The following ADRA1B variants were observed in gnomAD, a reference collection of about 807,000 sequenced individuals.
ADRA1B encodes the protein alpha-1B adrenergic receptor.
Under a neutral mutation model 17.9 loss-of-function variants are expected in ADRA1B, and 17 were observed. The ratio of observed to expected loss-of-function variants is 0.95; its 90% CI spans 0.65 to 1.42. ADRA1B has a LOEUF of 1.42. Among genes scored for constraint, ADRA1B ranks in the 40% most tolerant of loss-of-function variants. The pLI, the probability that ADRA1B is intolerant of heterozygous loss-of-function variation, is 0.00. For missense variants in ADRA1B, 681 were observed against 722.1 expected (o/e 0.94, Z 0.65); for synonymous variants, 366 against 327.6 (o/e 1.12, Z -1.27).
At chr5:159,918,177 C>A (rs1581032421) in intron 1 of ADRA1B, among the ~76,000 whole-genome samples, 1 of 152,086 alleles carries the variant, frequency 6.6e-6, no homozygotes, top group Non-Finnish European at 1.5e-5. Flanking sequence ...ATCACACCGG[C>A]GTTATTTCAG....
At position 159,871,929 on chromosome 5, in the gene ADRA1B, A is replaced by G. The variant is rs191849476; in HGVS notation, c.-256+6723A>G. Among the ~76,000 whole-genome samples, 256 of 152,218 alleles carry G rather than the reference A, an allele frequency of 1.7e-3. 1 individual carries two copies. Among genetic ancestry groups the G allele is most frequent in the Middle Eastern group, 3.4e-3 (1 of 294 alleles). On this transcript the variant is annotated intron_variant, in intron 1 of 2. Coordinates refer to the ADRA1B transcript ENST00000641205. ...TCTGCAGGGTCTCCTCCTCTGCCTT[A>G]CTGTTCCTCTCTGACACCCTGGAGC...
At chr5:159,866,296 A>G (rs1218518506) in intron 1 of ADRA1B, among the ~76,000 whole-genome samples, 2 of 85,718 alleles carry the variant, frequency 2.3e-5, no homozygotes, top group African/African-American at 4.0e-5. Flanking sequence ...ACATAGTGAG[A>G]AAAAAAAAAA....
intron 1 of ADRA1B, among the ~76,000 whole-genome samples, chr5:159,909,368 G>A (rs897999508): frequency 6.6e-6 from 1 of 152,080 alleles, no homozygotes; most frequent in Non-Finnish European, 1.5e-5. Context: ...TCCAAAGCTG[G>A]GCTCTAACAC....
the ADRA1B span, among the ~76,000 whole-genome samples, chr5:159,985,998 G>A: frequency 6.6e-6 from 1 of 152,220 alleles, no homozygotes; most frequent in Non-Finnish European, 1.5e-5. Context: ...GCAACTTGCT[G>A]AAAGCAGTTA....
intron 1 of ADRA1B, among the ~76,000 whole-genome samples, chr5:159,943,463 A>C (rs114572275): frequency 0.011 from 1,653 of 152,260 alleles, 25 homozygotes; most frequent in African/African-American, 0.035. Flanking sequence ...CCTCTAGTTT[A>C]AGACCCTGAT....
At chr5:159,918,177 C>T (rs1581032421) in intron 1 of ADRA1B, among the ~76,000 whole-genome samples, 2 of 152,204 alleles carry the variant, frequency 1.3e-5, no homozygotes, top group South Asian at 2.1e-4. Context: ...ATCACACCGG[C>T]GTTATTTCAG....
At chr5:159,921,233 A>T (rs1754470984) in intron 1 of ADRA1B, among the ~76,000 whole-genome samples, 1 of 152,192 alleles carries the variant, frequency 6.6e-6, no homozygotes, top group Non-Finnish European at 1.5e-5. Flanking sequence ...CTGTGGCCTC[A>T]GACCAAGTTG....
chr5:159,934,910 C>T (rs1002324021), intron 1 of ADRA1B, among the ~76,000 whole-genome samples: 5 of 151,504 alleles, frequency 3.3e-5, no homozygotes, highest in South Asian at 2.1e-4. Context: ...ATCTGTAAAA[C>T]GACACCAAAA....
chr5:159,957,916 CA>C (rs1254147431), intron 1 of ADRA1B, among the ~76,000 whole-genome samples: 1 of 47,510 alleles, frequency 2.1e-5, no homozygotes. Flanking sequence ...GCAACAAGAG[CA>C]AAACCCCATC....
chr5:159,880,969 T>C (rs569666704), intron 1 of ADRA1B, among the ~76,000 whole-genome samples: 17 of 152,098 alleles, frequency 1.1e-4, no homozygotes, highest in Non-Finnish European at 5.9e-5. Flanking sequence ...CCATGACTTG[T>C]TTCATTAAAT....
upstream of ADRA1B, among the ~76,000 whole-genome samples, chr5:159,915,289 T>G (rs1257142030): frequency 6.6e-6 from 1 of 152,104 alleles, no homozygotes; most frequent in East Asian, 1.9e-4. Context: ...CAGCTAAACT[T>G]CCCCATAATT....
downstream of ADRA1B, among the ~76,000 whole-genome samples, chr5:159,974,054 T>C (rs974975685): frequency 1.3e-5 from 2 of 152,198 alleles, no homozygotes; most frequent in Non-Finnish European, 2.9e-5. Flanking sequence ...TCATTCATTC[T>C]GTAGGTGATT....
chr5:159,972,664 C>G lies in ADRA1B; in HGVS notation c.*172C>G. 1.3e-6 allele frequency: 1 copy of G among 777,830 alleles called. No homozygotes were observed. The highest frequency in any genetic ancestry group is 2.4e-5 in the South Asian group (1 of 41,054). The allele number at this position is 777,830 out of a possible 1,614,324, so 48.2% of individuals were successfully genotyped here. ...TGCTTTTCTGGCAGGGGCATGGGTG[C>G]CAGGTACCACGCGGAAAGCCGGGCC... On this transcript the variant is annotated 3_prime_UTR_variant, in exon 2 of 2. Transcript: ENST00000306675.
intron 1 of ADRA1B, among the ~76,000 whole-genome samples, chr5:159,948,993 C>T (rs1755351727): frequency 6.6e-6 from 1 of 152,132 alleles, no homozygotes; most frequent in Admixed American, 6.5e-5. Context: ...AAGTAACTTA[C>T]CCACAGTGAC....
At chr5:159,973,962 T>C (rs908894486), downstream of ADRA1B, among the ~76,000 whole-genome samples, 3 of 152,260 alleles carry the variant, frequency 2.0e-5, no homozygotes, top group Non-Finnish European at 4.4e-5. Flanking sequence ...ATCCCTTTTT[T>C]TCTTTCTACT....
chr5:159,918,188 T>C (rs568158835), intron 1 of ADRA1B, among the ~76,000 whole-genome samples: 1 of 152,282 alleles, frequency 6.6e-6, no homozygotes, highest in East Asian at 1.9e-4. Context: ...GTTATTTCAG[T>C]AGTAATGATG....
exon 1 of ADRA1B, chr5:159,865,187 G>A (rs1447288804): frequency 6.6e-6 from 1 of 152,184 alleles, no homozygotes; most frequent in Non-Finnish European, 1.5e-5. Flanking sequence ...GGCGCACTTT[G>A]GAATGAAGGA....
intron 1 of ADRA1B, among the ~76,000 whole-genome samples, chr5:159,879,750 C>A (rs866202920): frequency 6.6e-6 from 1 of 152,132 alleles, no homozygotes; most frequent in Non-Finnish European, 1.5e-5. Flanking sequence ...AATCCCAGCA[C>A]TTTGGGAGGC....
intron 1 of ADRA1B, among the ~76,000 whole-genome samples, chr5:159,887,234 A>T (rs942309542): frequency 6.6e-6 from 1 of 152,210 alleles, no homozygotes; most frequent in African/African-American, 2.4e-5. Context: ...GGCTACAAAG[A>T]TGATTTCCCA....
Sources: allele counts gnomAD v4.1 joint callset (sites outside exome capture counted in the v4.1 genomes callset), GRCh38; gene constraint gnomAD v4.1.1; transcripts MANE v1.5; gene names NCBI Gene and HGNC (gene_info 2026-07-23, HGNC 2026-07-21).